The following C3orf33 variants were observed in gnomAD, a reference collection of about 807,000 sequenced individuals.
C3orf33 encodes the protein mitochondrial inner membrane subdomain organizer 1, also known as AP-1 activity suppressor.
Under a neutral mutation model 28.7 loss-of-function variants are expected in C3orf33, and 23 were observed. That is an observed-to-expected ratio of 0.80 (90% CI 0.58 to 1.13). The LOEUF (loss-of-function observed/expected upper bound fraction) is 1.13, where lower values mean the gene tolerates loss of function less well. Among genes scored for constraint, C3orf33 ranks in the 50% most tolerant of loss-of-function variants. The pLI is 0.00. For synonymous variants in C3orf33, 119 were observed against 120.5 expected (o/e 0.99, Z 0.08); for missense variants, 327 against 353.4 (o/e 0.93, Z 0.60).
chr3:155,772,543 T>C (rs1750621570), intron 3 of C3orf33, among the ~76,000 whole-genome samples: 1 of 151,802 alleles, frequency 6.6e-6, no homozygotes, highest in Admixed American at 6.6e-5. Context: ...TGAAGTTGTA[T>C]GACAGCAGAA....
intron 2 of C3orf33, among the ~76,000 whole-genome samples, chr3:155,796,665 A>G (rs1273519692): frequency 6.6e-6 from 1 of 152,250 alleles, no homozygotes; most frequent in Non-Finnish European, 1.5e-5. Context: ...TTCCAAACTC[A>G]TTCTACAAGG....
chr3:155,769,801 T>C (rs950163984), intron 3 of C3orf33, among the ~76,000 whole-genome samples: 11 of 152,050 alleles, frequency 7.2e-5, no homozygotes, highest in Non-Finnish European at 1.6e-4. Context: ...CCAAAGACAG[T>C]TTAAAGCCCA....
chr3:155,779,687 A>G (rs1323990055), intron 2 of C3orf33, among the ~76,000 whole-genome samples: 1 of 152,228 alleles, frequency 6.6e-6, no homozygotes, highest in Non-Finnish European at 1.5e-5. Context: ...CATATCACCC[A>G]GGAGAACTGA....
intron 2 of C3orf33, among the ~76,000 whole-genome samples, chr3:155,789,996 G>A (rs1340751604): frequency 6.6e-6 from 1 of 151,718 alleles, no homozygotes; most frequent in Non-Finnish European, 1.5e-5. Context: ...AACCCCATCT[G>A]TACCAAAAAA....
rs530378167 is a variant in C3orf33 at position 155,796,985 on chromosome 3, G to C, written c.174+5547C>G. On this transcript the variant is annotated intron_variant, in intron 2 of 4. Coordinates refer to ENST00000340171, the MANE Select transcript of C3orf33 (RefSeq NM_001308229.2). Reference sequence around the variant, plus strand: ...GCAGGCAGATCACCTGAAGTCAGGAGTTCGAGACTAGCCTGGTCAACATGG... The same window carrying C: ...GCAGGCAGATCACCTGAAGTCAGGACTTCGAGACTAGCCTGGTCAACATGG... Among the ~76,000 whole-genome samples the C allele has an allele frequency of 4.3e-4, 66 of 152,286 alleles. 1 individual carries two copies. Among genetic ancestry groups the C allele is most frequent in the Middle Eastern group, 6.8e-3 (2 of 294 alleles).
intron 2 of C3orf33, among the ~76,000 whole-genome samples, chr3:155,784,263 A>T (rs1751033092): frequency 6.6e-6 from 1 of 152,090 alleles, no homozygotes; most frequent in Non-Finnish European, 1.5e-5. Flanking sequence ...ACAATGTACA[A>T]AAATGCGATT....
intron 1 of C3orf33, among the ~76,000 whole-genome samples, chr3:155,804,627 T>C (rs1751760226): frequency 6.6e-6 from 1 of 152,208 alleles, no homozygotes; most frequent in Non-Finnish European, 1.5e-5. Context: ...CTGGCTGTCT[T>C]GACTTTTTTA....
At chr3:155,784,725 CA>C (rs1192957696) in intron 2 of C3orf33, among the ~76,000 whole-genome samples, 3 of 143,546 alleles carry the variant, frequency 2.1e-5, no homozygotes, top group Admixed American at 1.4e-4. Context: ...GACTCTGTCT[CA>C]AAAAAAATAA....
chr3:155,767,983 G>A (rs1044146638), intron 3 of C3orf33, among the ~76,000 whole-genome samples: 1 of 152,042 alleles, frequency 6.6e-6, no homozygotes, highest in Non-Finnish European at 1.5e-5. Flanking sequence ...AGGTTCAAGC[G>A]ATTCTCGTGC....
intron 2 of C3orf33, among the ~76,000 whole-genome samples, chr3:155,796,796 A>T (rs1306729298): frequency 6.6e-6 from 1 of 152,246 alleles, no homozygotes; most frequent in African/African-American, 2.4e-5. Context: ...ATCAAATTCA[A>T]CAACATATTA....
chr3:155,792,992 A>G (rs1053986259), intron 2 of C3orf33, among the ~76,000 whole-genome samples: 6 of 152,118 alleles, frequency 3.9e-5, no homozygotes, highest in African/African-American at 1.2e-4. Flanking sequence ...TGGAACACCA[A>G]GCAGATTTAA....
intron 2 of C3orf33, among the ~76,000 whole-genome samples, chr3:155,783,079 T>G (rs990353010): frequency 2.0e-5 from 3 of 152,182 alleles, no homozygotes; most frequent in Non-Finnish European, 4.4e-5. Flanking sequence ...ACTGGTATCC[T>G]GATGATGCTA....
intron 2 of C3orf33, among the ~76,000 whole-genome samples, chr3:155,778,422 G>A (rs1173395423): frequency 6.6e-6 from 1 of 152,198 alleles, no homozygotes; most frequent in Non-Finnish European, 1.5e-5. Flanking sequence ...TATGGATGAT[G>A]TCTCATGATG....
chr3:155,778,046 A>G (rs1322393826), intron 2 of C3orf33, among the ~76,000 whole-genome samples: 1 of 146,410 alleles, frequency 6.8e-6, no homozygotes, highest in Non-Finnish European at 1.5e-5. Context: ...GCTACACAGG[A>G]GGCTCAGGCA....
intron 3 of C3orf33, among the ~76,000 whole-genome samples, chr3:155,773,376 TAA>T (rs1750648204): frequency 6.6e-6 from 1 of 152,202 alleles, no homozygotes; most frequent in South Asian, 2.1e-4. Flanking sequence ...TTGAGAGGTA[TAA>T]GACATTTAAC....
chr3:155,776,929 A>G (rs1271423663), intron 2 of C3orf33, among the ~76,000 whole-genome samples: 1 of 151,934 alleles, frequency 6.6e-6, no homozygotes, highest in Non-Finnish European at 1.5e-5. Context: ...ATGGCATTGG[A>G]AAAAAAGGGT....
At chr3:155,781,152 C>T (rs1382204687) in intron 2 of C3orf33, among the ~76,000 whole-genome samples, 5 of 151,518 alleles carry the variant, frequency 3.3e-5, no homozygotes, top group East Asian at 1.9e-4. Context: ...CGTCCGCCAC[C>T]GCGCCCGGCT....
intron 2 of C3orf33, among the ~76,000 whole-genome samples, chr3:155,787,239 C>T (rs1281894472): frequency 6.6e-6 from 1 of 152,120 alleles, no homozygotes; most frequent in South Asian, 2.1e-4. Context: ...CACTCTGTTA[C>T]CCAGACTGGA....
At chr3:155,793,985 T>C (rs1751404112) in intron 2 of C3orf33, among the ~76,000 whole-genome samples, 1 of 122,788 alleles carries the variant, frequency 8.1e-6, no homozygotes, top group Non-Finnish European at 1.9e-5. Flanking sequence ...GGTGTTTTGT[T>C]TTTTTGTTTT....
Sources: allele counts gnomAD v4.1 joint callset (sites outside exome capture counted in the v4.1 genomes callset), GRCh38; gene constraint gnomAD v4.1.1; transcripts MANE v1.5; gene names NCBI Gene and HGNC (gene_info 2026-07-23, HGNC 2026-07-21).